CLRN3: variants seen among roughly 807,000 people sequenced by gnomAD.
The protein encoded by CLRN3 is clarin-3.
CLRN3 carries 12 observed loss-of-function variants against 16.7 expected under a neutral mutation model. The ratio of observed to expected loss-of-function variants is 0.72; its 90% CI spans 0.46 to 1.16. CLRN3 has a LOEUF of 1.16. Ranked by LOEUF, CLRN3 falls within the 50% of genes most tolerant of loss-of-function variation. The pLI, the probability that CLRN3 is intolerant of heterozygous loss-of-function variation, is 0.00. For synonymous variants in CLRN3, 118 were observed against 113.0 expected (o/e 1.04, Z -0.28); for missense variants, 296 against 274.2 (o/e 1.08, Z -0.56).
intron 1 of CLRN3, among the ~76,000 whole-genome samples, chr10:127,892,197 G>A (rs1444960810): frequency 1.3e-5 from 2 of 152,190 alleles, no homozygotes; most frequent in Admixed American, 6.5e-5. Context: ...GACAGAGGTT[G>A]TGGCTCCAGC....
intron 1 of CLRN3, among the ~76,000 whole-genome samples, chr10:127,891,173 T>C (rs1845254037): frequency 6.6e-6 from 1 of 152,206 alleles, no homozygotes; most frequent in Admixed American, 6.5e-5. Context: ...TCCCCTGACA[T>C]CACCATGCTC....
intron 2 of CLRN3, among the ~76,000 whole-genome samples, chr10:127,882,533 T>G (rs1845141189): frequency 1.3e-5 from 2 of 152,234 alleles, no homozygotes. Flanking sequence ...GGCTTTTTTC[T>G]CTTTTTGTTT....
Position 127,892,815 on chromosome 10 carries a change from A to G in CLRN3, c.-31T>C. On this transcript the variant is annotated 5_prime_UTR_variant, in exon 1 of 3. Coordinates refer to ENST00000368671, the MANE Select transcript of CLRN3 (RefSeq NM_152311.5). ...CAGGAAAATAAGTTCTCTAGGACAA[A>G]AAAAGGAATATCTTCTTATAACACT... The G allele has an allele frequency of 7.8e-7, 1 of 1,282,404 alleles. No homozygotes were observed. 79.4% of individuals were successfully genotyped at this position (1,282,404 alleles called of 1,614,324 possible).
intron 1 of CLRN3, among the ~76,000 whole-genome samples, chr10:127,890,119 G>A (rs1845242024): frequency 6.6e-6 from 1 of 152,252 alleles, no homozygotes; most frequent in Non-Finnish European, 1.5e-5. Flanking sequence ...TCCAAGGCCA[G>A]GAACCATGTG....
chr10:127,892,927 AG>A lies in CLRN3; in HGVS notation c.-144del. The A allele has an allele frequency of 1.6e-6, 1 of 619,700 alleles. No individual in the cohort carries two copies. The highest frequency in any genetic ancestry group is 2.8e-6 in the Non-Finnish European group (1 of 352,498). The allele number at this position is 619,700 out of a possible 1,614,324, so 38.4% of individuals were successfully genotyped here. On this transcript the variant is annotated 5_prime_UTR_variant, in exon 1 of 3. Transcript: ENST00000368671. Reference sequence around the variant, plus strand: ...TATAAAATCTCACTCTTCCTGAGGAAGGGTTATGCTAATGGACATTGAACTC... The same window carrying A: ...TATAAAATCTCACTCTTCCTGAGGAAGGTTATGCTAATGGACATTGAACTC...
Position 127,887,450 on chromosome 10 carries a change from C to T in CLRN3, c.230-3575G>A, listed in dbSNP as rs1404585296. Among the ~76,000 whole-genome samples, 9 of 146,434 alleles carry T rather than the reference C, an allele frequency of 6.1e-5. No homozygotes were observed. In the East Asian group the frequency reaches 1.6e-3, roughly 25 times the overall value. Reference sequence around the variant, plus strand: ...TATTCACTGGTAAATGGTTCACATTCCTTTTTTTTTTTTTTCAGAGTAAAT... The same window carrying T: ...TATTCACTGGTAAATGGTTCACATTTCTTTTTTTTTTTTTTCAGAGTAAAT... On this transcript the variant is annotated intron_variant, in intron 1 of 2. Coordinates refer to ENST00000368671, the MANE Select transcript of CLRN3 (RefSeq NM_152311.5).
chr10:127,891,901 C>A (rs999089942), intron 1 of CLRN3, among the ~76,000 whole-genome samples: 4 of 152,084 alleles, frequency 2.6e-5, no homozygotes, highest in African/African-American at 9.7e-5. Flanking sequence ...GGTTATCAAA[C>A]CTCAAAAGTC....
At chr10:127,887,396 T>G (rs529314716) in intron 1 of CLRN3, among the ~76,000 whole-genome samples, 1 of 152,074 alleles carries the variant, frequency 6.6e-6, no homozygotes, top group African/African-American at 2.4e-5. Flanking sequence ...TTTTTCTGCT[T>G]TACACACTTA....
chr10:127,883,951 C>G lies in CLRN3; in HGVS notation c.230-76G>C. On this transcript the variant is annotated intron_variant, in intron 1 of 2. Coordinates refer to ENST00000368671, the MANE Select transcript of CLRN3 (RefSeq NM_152311.5). ...GGCCTGGCATTCCTCCCCACCCTAC[C>G]CTCTTAGTGACTTGAGTTACTGGTT... is the stretch of plus-strand genomic sequence containing the variant. 4 of 1,364,294 alleles carry G rather than the reference C, an allele frequency of 2.9e-6. No individual in the cohort carries two copies. The South Asian group carries it at 3.5e-5, about 12-fold the overall frequency. The allele number at this position is 1,364,294 out of a possible 1,614,324, so 84.5% of individuals were successfully genotyped here.
intron 2 of CLRN3, 109 bp from the exon 3 acceptor site, chr10:127,878,529 T>C: frequency 7.0e-7 from 1 of 1,436,732 alleles, no homozygotes; most frequent in Non-Finnish European, 9.3e-7. Context: ...TACACAGGAG[T>C]TTACACTCTT....
chr10:127,884,652 C>T (rs1322601814), intron 1 of CLRN3, among the ~76,000 whole-genome samples: 2 of 152,222 alleles, frequency 1.3e-5, no homozygotes, highest in Admixed American at 1.3e-4. Flanking sequence ...GAGCTCCAGG[C>T]ATGGAAGGAC....
chr10:127,886,606 G>A (rs1845197099), intron 1 of CLRN3, among the ~76,000 whole-genome samples: 1 of 152,210 alleles, frequency 6.6e-6, no homozygotes, highest in African/African-American at 2.4e-5. Flanking sequence ...GCAGGAGGAG[G>A]GCAATGTGGA....
In CLRN3 at chr10:127,886,884, A is replaced by G. The variant is rs189537720; in HGVS notation, c.230-3009T>C. On this transcript the variant is annotated intron_variant, in intron 1 of 2. Coordinates refer to ENST00000368671, the MANE Select transcript of CLRN3 (RefSeq NM_152311.5). ...GAAATTCTCAGCATAGTCTCTGGCTATGCATCCCAGGGAAGGGCTCTAGCG... is the reference window on the plus strand; with the variant it reads ...GAAATTCTCAGCATAGTCTCTGGCTGTGCATCCCAGGGAAGGGCTCTAGCG... 6.6e-5 allele frequency among the ~76,000 whole-genome samples: 10 copies of G among 152,178 alleles called. No individual in the cohort carries two copies. In the East Asian group the frequency reaches 1.9e-3, roughly 30 times the overall value.
Position 127,877,918 on chromosome 10 carries a change from A to G in CLRN3, c.*231T>C, listed in dbSNP as rs141557538. ...GAAGGGTCGTTACGCTCATCATGAT[A>G]CTACTGCTTTGAATACCACACAGAC... On this transcript the variant is annotated 3_prime_UTR_variant, in exon 3 of 3. Transcript: ENST00000368671. 170 of 534,488 alleles carry G rather than the reference A, an allele frequency of 3.2e-4. 1 individual carries two copies. The highest frequency in any genetic ancestry group is 2.7e-3 in the African/African-American group (145 of 52,862). 33.1% of individuals were successfully genotyped at this position (534,488 alleles called of 1,614,324 possible).
In CLRN3 at chr10:127,878,113, CA is replaced by C; in HGVS notation, c.*35del. ...CCAGTTACTACTCAGGGCTGATGTACAATAGATGCAACGCCAAAATGAGATG... is the reference window on the plus strand; with the variant it reads ...CCAGTTACTACTCAGGGCTGATGTACATAGATGCAACGCCAAAATGAGATG... On this transcript the variant is annotated 3_prime_UTR_variant, in exon 3 of 3. Coordinates refer to ENST00000368671, the MANE Select transcript of CLRN3 (RefSeq NM_152311.5). 6 of 1,603,608 alleles carry C rather than the reference CA, an allele frequency of 3.7e-6. No homozygotes were observed. The highest frequency in any genetic ancestry group is 5.1e-6 in the Non-Finnish European group (6 of 1,172,674).
chr10:127,892,378 C>T (rs575699856), intron 1 of CLRN3, among the ~76,000 whole-genome samples, 178 bp downstream of exon 1: 53 of 152,266 alleles, frequency 3.5e-4, no homozygotes, highest in African/African-American at 1.0e-3. Flanking sequence ...CAAGGAGAAC[C>T]GAGGAAGCTC....
In CLRN3 at chr10:127,892,901, A is replaced by G. The variant is rs905289238; in HGVS notation, c.-117T>C. 1 of 646,802 alleles carries G rather than the reference A, an allele frequency of 1.5e-6. No homozygotes were observed. Among genetic ancestry groups the G allele is most frequent in the South Asian group, 1.9e-5 (1 of 52,572 alleles). 40.1% of individuals were successfully genotyped at this position (646,802 alleles called of 1,614,324 possible). ...ATGGAGTCTAACACTTTATTGTCAA[A>G]TATAAAATCTCACTCTTCCTGAGGA... On this transcript the variant is annotated 5_prime_UTR_variant, in exon 1 of 3. Coordinates refer to ENST00000368671, the MANE Select transcript of CLRN3 (RefSeq NM_152311.5).
intron 2 of CLRN3, among the ~76,000 whole-genome samples, chr10:127,880,499 T>C (rs977153711): frequency 6.6e-6 from 1 of 152,286 alleles, no homozygotes; most frequent in African/African-American, 2.4e-5. Context: ...CCCTGTGACC[T>C]CCTGATCACT....
intron 1 of CLRN3, among the ~76,000 whole-genome samples, 168 bp downstream of exon 1, chr10:127,892,388 C>T: frequency 6.6e-6 from 1 of 152,198 alleles, no homozygotes; most frequent in East Asian, 1.9e-4. Context: ...CGAGGAAGCT[C>T]AAATAATGAC....
Sources: gnomAD v4.1 joint callset for allele counts (sites outside exome capture counted in the v4.1 genomes callset) on GRCh38, gnomAD v4.1.1 for gene constraint, MANE v1.5 for transcripts, NCBI Gene and HGNC (gene_info 2026-07-23, HGNC 2026-07-21) for gene names.